The following DAPK1 variants were observed in gnomAD, a reference collection of about 807,000 sequenced individuals.
The protein encoded by DAPK1 is death-associated protein kinase 1.
DAPK1 carries 56 observed loss-of-function variants against 144.9 expected under a neutral mutation model. That is an observed-to-expected ratio of 0.39 (90% CI 0.31 to 0.48). The LOEUF is 0.48. Among genes scored for constraint, DAPK1 ranks in the 20% least tolerant of loss-of-function variants. DAPK1 has a pLI of 0.95. For synonymous variants in DAPK1, 690 were observed against 749.0 expected, an observed-to-expected ratio of 0.92 and a Z score of 1.29; for missense variants, 1,454 against 1,875.4, an observed-to-expected ratio of 0.78 and a Z score of 4.15.
rs374936912 is a variant in DAPK1, at chr9:87,510,018, G to A, written c.62+10879G>A. 5.9e-4 allele frequency among the ~76,000 whole-genome samples: 90 copies of A among 152,290 alleles called. 1 individual carries two copies. The highest frequency in any genetic ancestry group is 6.8e-3 in the Middle Eastern group (2 of 294). On this transcript the variant is annotated intron_variant, in intron 2 of 25. Transcript: ENST00000408954. ...ATTTACAGTTCGCCCATTTAGAATC[G>A]ATAAGGGTGTGCCCCAGGCTCCATC...
chr9:87,559,715 A>G (rs185891272), intron 2 of DAPK1, among the ~76,000 whole-genome samples: 2 of 152,218 alleles, frequency 1.3e-5, no homozygotes, highest in Admixed American at 1.3e-4. Flanking sequence ...AACTCCAAGA[A>G]TTGCTGCATG....
chr9:87,559,962 C>G (rs1213793516), intron 2 of DAPK1, among the ~76,000 whole-genome samples: 1 of 151,644 alleles, frequency 6.6e-6, no homozygotes, highest in Non-Finnish European at 1.5e-5. Context: ...TCTCCTCTCT[C>G]CTCTTCCCTC....
rs548458503 is a variant in DAPK1 at position 87,501,119 on chromosome 9, G to A, written c.62+1980G>A. 5.3e-5 allele frequency among the ~76,000 whole-genome samples: 8 copies of A among 152,336 alleles called. No homozygotes were observed. In the South Asian group the frequency reaches 1.7e-3, roughly 32 times the overall value. On this transcript the variant is annotated intron_variant, in intron 2 of 25. Transcript: ENST00000408954. Reference sequence around the variant, plus strand: ...ACGTGTCACTGAGGGAAGATTGGGAGTGGAGGCAGGAGTTTGGTGGCAGGA... The same window carrying A: ...ACGTGTCACTGAGGGAAGATTGGGAATGGAGGCAGGAGTTTGGTGGCAGGA...
chr9:87,542,817 C>A (rs1826102222), intron 2 of DAPK1, among the ~76,000 whole-genome samples: 1 of 152,180 alleles, frequency 6.6e-6, no homozygotes, highest in African/African-American at 2.4e-5. Flanking sequence ...CAATATGGAA[C>A]CCCTCACTGG....
chr9:87,536,633 T>C (rs1036371796), intron 2 of DAPK1, among the ~76,000 whole-genome samples: 7 of 152,190 alleles, frequency 4.6e-5, no homozygotes, highest in Non-Finnish European at 4.4e-5. Flanking sequence ...CATAAATAAA[T>C]AAATCAGGGA....
intron 2 of DAPK1, chr9:87,554,578 G>A (rs903430176): frequency 2.0e-5 from 3 of 152,150 alleles, no homozygotes; most frequent in African/African-American, 7.2e-5. Flanking sequence ...ACCCTTAGGA[G>A]CCTTCCACAG....
intron 2 of DAPK1, among the ~76,000 whole-genome samples, chr9:87,588,510 A>T (rs1399871305): frequency 6.6e-6 from 1 of 151,770 alleles, no homozygotes; most frequent in African/African-American, 2.4e-5. Flanking sequence ...TATTTCCCAA[A>T]TGACCATGCT....
At chr9:87,512,375 T>C (rs941700807) in intron 2 of DAPK1, among the ~76,000 whole-genome samples, 4 of 152,180 alleles carry the variant, frequency 2.6e-5, no homozygotes, top group Non-Finnish European at 5.9e-5. Context: ...TTGTGCAGCA[T>C]GTCAGACAGA....
chr9:87,568,679 G>T (rs1283545492), intron 2 of DAPK1, among the ~76,000 whole-genome samples: 1 of 152,134 alleles, frequency 6.6e-6, no homozygotes, highest in Non-Finnish European at 1.5e-5. Context: ...ATATGGAAGG[G>T]GAAGGCTGTC....
In DAPK1 at chr9:87,645,879, G is replaced by T; in HGVS notation, c.1012-16G>T. 1 of 1,613,182 alleles carries T rather than the reference G, an allele frequency of 6.2e-7. No individual in the cohort carries two copies. The highest frequency in any genetic ancestry group is 8.5e-7 in the Non-Finnish European group (1 of 1,179,550). On this transcript the variant is annotated splice_polypyrimidine_tract_variant and intron_variant, in intron 11 of 25. Transcript: ENST00000408954. ...AGCAATGTAACTCTGTTTCCATCTT[G>T]GCTGTCTCTCTCAAGGATGAGGAAG...
At chr9:87,574,470 T>C (rs1827470593) in intron 2 of DAPK1, among the ~76,000 whole-genome samples, 1 of 152,240 alleles carries the variant, frequency 6.6e-6, no homozygotes, top group South Asian at 2.1e-4. Context: ...ACAGGAAGTT[T>C]GCAGTCATGC....
intron 3 of DAPK1, among the ~76,000 whole-genome samples, chr9:87,627,345 A>G (rs192374275): frequency 6.6e-6 from 1 of 152,332 alleles, no homozygotes; most frequent in East Asian, 1.9e-4. Flanking sequence ...AGAATTTTAA[A>G]TAAGACTTTA....
chr9:87,595,687 C>A (rs1321861835), intron 2 of DAPK1, among the ~76,000 whole-genome samples: 1 of 152,218 alleles, frequency 6.6e-6, no homozygotes, highest in East Asian at 1.9e-4. Flanking sequence ...TCCAGGAGAC[C>A]TTGTCCTTGG....
chr9:87,519,939 G>T (rs940639255), intron 2 of DAPK1, among the ~76,000 whole-genome samples: 1 of 152,038 alleles, frequency 6.6e-6, no homozygotes, highest in Admixed American at 6.5e-5. Context: ...GTCACTGTGG[G>T]TGCCTTTGTT....
chr9:87,677,423 C>G (rs1181929906), intron 19 of DAPK1, among the ~76,000 whole-genome samples: 1 of 152,168 alleles, frequency 6.6e-6, no homozygotes, highest in Non-Finnish European at 1.5e-5. Context: ...GGGATTCCTG[C>G]AGAAGGAATG....
At chr9:87,571,476 A>ACACACCCCCCAAC (rs771023885) in intron 2 of DAPK1, among the ~76,000 whole-genome samples, 1 of 48,548 alleles carries the variant, frequency 2.1e-5, no homozygotes, top group African/African-American at 9.2e-5. Context: ...CACACACACC[A>ACACACCCCCCAAC]ACACACACAC....
chr9:87,688,871 C>T (rs2149378), intron 21 of DAPK1, among the ~76,000 whole-genome samples: 56,301 of 151,848 alleles, frequency 0.37, 12,019 homozygotes, highest in Middle Eastern at 0.59. Context: ...GTGAATATTT[C>T]CTCCCATTCT....
chr9:87,566,482 A>C (rs1167827906), intron 2 of DAPK1, among the ~76,000 whole-genome samples: 6 of 152,210 alleles, frequency 3.9e-5, no homozygotes, highest in African/African-American at 1.4e-4. Context: ...TTGAGGCTGT[A>C]AGCAATGCCC....
Position 87,707,285 on chromosome 9 carries a change from G to A in DAPK1, c.4214G>A (p.Gly1405Asp). 6.2e-7 allele frequency: 1 copy of A among 1,613,816 alleles called. No homozygotes were observed. Among genetic ancestry groups the A allele is most frequent in the Non-Finnish European group, 8.5e-7 (1 of 1,179,832 alleles). The stretch of plus-strand genomic sequence containing the variant: ...TCTGTGTTCAAAATCAACCTGGATG[G>A]CAATGGCCAGGAGGCCTATGCCTCG... Reference protein sequence around the residue: ...ASSVFKINLDGNGQEAYASSC... With the variant: ...ASSVFKINLDDNGQEAYASSC... The change falls in exon 26 of 26, where the codon GGC becomes GAC. Residue 1405 changes from glycine (G) to aspartate (D), a missense_variant. Coordinates refer to ENST00000408954, the MANE Select transcript of DAPK1 (RefSeq NM_004938.4). This position sits in a 1 kb window ranked among gnomAD's most constrained non-coding sequence, Gnocchi z 4.0.
Sources: allele counts gnomAD v4.1 joint callset (sites outside exome capture counted in the v4.1 genomes callset), GRCh38; gene constraint gnomAD v4.1.1; non-coding constraint Gnocchi (gnomAD v3.1); transcripts MANE v1.5; gene names NCBI Gene and HGNC (gene_info 2026-07-23, HGNC 2026-07-21).